The following ABCA3 variants were observed in gnomAD, a reference collection of about 807,000 sequenced individuals.
ABCA3 encodes the protein phospholipid-transporting ATPase ABCA3.
In ABCA3, 88 loss-of-function variants were observed where a neutral mutation model predicts 172.8. The ratio of observed to expected loss-of-function variants is 0.51; its 90% CI spans 0.43 to 0.61. The LOEUF is 0.61. ABCA3 is among the 20% of genes least tolerant of loss of function. The probability of loss-of-function intolerance (pLI) is 0.00; values close to 1 mark genes in which losing one functional copy is unlikely to be tolerated. For missense variants in ABCA3, 2,164 were observed against 2,301.0 expected (o/e 0.94, Z 1.22); for synonymous variants, 1,066 against 983.8 (o/e 1.08, Z -1.56).
At position 2,276,117 on chromosome 16, in the gene ABCA3, G is replaced by A. The variant is rs2093645910; in HGVS notation, c.*557C>T. 3.0e-6 allele frequency: 1 copy of A among 336,844 alleles called. No individual in the cohort carries two copies. The highest frequency in any genetic ancestry group is 2.2e-5 in the African/African-American group (1 of 45,902). The allele number at this position is 336,844 out of a possible 1,614,324, so 20.9% of individuals were successfully genotyped here. A position where few individuals can be genotyped will look rare whatever the true frequency, so the allele number is the denominator to read the frequency against. On this transcript the variant is annotated 3_prime_UTR_variant, in exon 33 of 33. Coordinates refer to ENST00000301732, the MANE Select transcript of ABCA3 (RefSeq NM_001089.3). ...CGCGGTGACTACCATGCCCTAAGGA[G>A]CAGAGCCTCCAGGATGCCCCCGGGC...
At chr16:2,324,572 C>T (rs770737316) in intron 5 of ABCA3, 41 bp from the exon 6 acceptor site, 1 of 1,603,994 alleles carries the variant, frequency 6.2e-7, no homozygotes, top group South Asian at 1.1e-5. Context: ...GCCCAATCGG[C>T]CCTCCTGCTT....
intron 5 of ABCA3, 54 bp downstream of exon 5, chr16:2,325,956 C>T (rs1408654053): frequency 5.6e-6 from 9 of 1,607,902 alleles, no homozygotes; most frequent in Non-Finnish European, 7.6e-6. Flanking sequence ...CCTGCCTGCC[C>T]AGCCGCGTGG....
chr16:2,338,703 A>G (rs952355367), intron 1 of ABCA3, among the ~76,000 whole-genome samples: 37 of 150,352 alleles, frequency 2.5e-4, no homozygotes, highest in Non-Finnish European at 2.7e-4. Flanking sequence ...GCATCTCTTT[A>G]GCTCTATCCT....
In ABCA3 at chr16:2,277,601, G is replaced by A. The variant is rs146651498; in HGVS notation, c.4979C>T (p.Ala1660Val). ...YHLPGRDLSW[A>V]KVFGILEKAK... ...GGGCCCCAGGGACTGCCTCACCTTC[G>A]CCCAGCTGAGGTCACGGCCCGGCAG... The change falls in exon 32 of 33, where the codon GCG becomes GTG. Residue 1660 changes from alanine to valine, a missense_variant. Ala to Val is a moderately conservative substitution (Grantham distance 64, BLOSUM62 0). Coordinates refer to ENST00000301732, the MANE Select transcript of ABCA3 (RefSeq NM_001089.3). This position sits in a 1 kb window ranked among gnomAD's most constrained non-coding sequence, Gnocchi z 5.3. 23 of 1,613,032 alleles carry A rather than the reference G, an allele frequency of 1.4e-5. No individual in the cohort carries two copies. In the African/African-American group the frequency reaches 2.4e-4, roughly 17 times the overall value.
chr16:2,332,246 C>G, intron 1 of ABCA3: 2 of 386,818 alleles, frequency 5.2e-6, no homozygotes, highest in Non-Finnish European at 4.8e-6. Context: ...TTTTTTTTTT[C>G]CTTGAAACTT....
intron 26 of ABCA3, among the ~76,000 whole-genome samples, chr16:2,282,593 T>C (rs2093656825): frequency 2.0e-5 from 3 of 151,894 alleles, no homozygotes; most frequent in East Asian, 1.9e-4. Flanking sequence ...CAGCCCCACA[T>C]CCCCTCCTCC....
intron 11 of ABCA3, among the ~76,000 whole-genome samples, chr16:2,306,335 T>C (rs534388677): frequency 1.3e-5 from 2 of 152,008 alleles, no homozygotes; most frequent in East Asian, 1.9e-4. Context: ...CAAAAAAAAA[T>C]TGTTAAAAAG....
chr16:2,276,932 C>T, intron 32 of ABCA3, 127 bp from the exon 33 acceptor site: 2 of 1,372,858 alleles, frequency 1.5e-6, no homozygotes, highest in Non-Finnish European at 2.0e-6. Flanking sequence ...AGCGCCACCC[C>T]AGAGCCCCAG....
At chr16:2,289,675 G>T in intron 19 of ABCA3, 55 bp from the exon 20 acceptor site, 1 of 1,534,020 alleles carries the variant, frequency 6.5e-7, no homozygotes. Flanking sequence ...GTGGGTGGAG[G>T]GAGGGACTAT....
In ABCA3 at chr16:2,284,652, G is replaced by C; in HGVS notation, c.3703+127C>G. 1 of 1,236,398 alleles carries C rather than the reference G, an allele frequency of 8.1e-7. No individual in the cohort carries two copies. Among genetic ancestry groups the C allele is most frequent in the South Asian group, 1.3e-5 (1 of 74,732 alleles). 76.6% of individuals were successfully genotyped at this position (1,236,398 alleles called of 1,614,324 possible). ...GCCGGGCAGGGCCAGCTGGGGCAGA[G>C]GGGCTGGTGAGCATGAACTGGGCCC... On this transcript the variant is annotated intron_variant, in intron 24 of 32. Transcript: ENST00000301732. The surrounding 1 kb of genome is among the most constrained non-coding windows in gnomAD (Gnocchi z 5.9).
In ABCA3 at chr16:2,308,577, G is replaced by A. The variant is rs760570912; in HGVS notation, c.1158C>T (p.Tyr386=). The A allele has an allele frequency of 9.3e-6, 15 of 1,614,236 alleles. No homozygotes were observed. In the Middle Eastern group the frequency reaches 6.6e-4, roughly 71 times the overall value. The part of the protein sequence containing the change: ...AFGGFLYFFT[Y]IPYFFVAPRY... ...GAGGGGCCACGAAGAAGTAGGGGAT[G>A]TAGGTGAAGAAGTAGAGGAAGCCTC... is the stretch of plus-strand genomic sequence containing the variant. The change falls in exon 11 of 33, where the codon TAC becomes TAT. Residue 386 remains tyrosine, a synonymous_variant. Coordinates refer to ENST00000301732, the MANE Select transcript of ABCA3 (RefSeq NM_001089.3).
intron 1 of ABCA3, among the ~76,000 whole-genome samples, chr16:2,338,826 C>T (rs1267020212): frequency 6.7e-6 from 1 of 149,244 alleles, no homozygotes; most frequent in African/African-American, 2.5e-5. Context: ...GCCATCTCAG[C>T]TCACTGTAAC....
chr16:2,298,645 G>C, intron 14 of ABCA3, 105 bp from the exon 15 acceptor site: 1 of 1,443,526 alleles, frequency 6.9e-7, no homozygotes, highest in African/African-American at 1.4e-5. Flanking sequence ...TTTCCTCTGA[G>C]GACCCTGCCC....
In ABCA3 at chr16:2,279,032, G is replaced by A. The variant is rs1272599175; in HGVS notation, c.4458C>T (p.Ile1486=). ...CGCAGGCCCCGATGTGGCGCTCAGG[G>A]ATGCCCCGGAGCCGAGCGTACATGA... ...MLVMYARLRG[I]PERHIGACVE... is the part of the protein sequence containing the mutation. Residue 1486 remains isoleucine (I), a synonymous_variant, in exon 29 of 33, where the codon ATC becomes ATT. Transcript: ENST00000301732. The surrounding 1 kb of genome is among the most constrained non-coding windows in gnomAD (Gnocchi z 4.4). 7 of 1,613,500 alleles carry A rather than the reference G, an allele frequency of 4.3e-6. No homozygotes were observed. Among genetic ancestry groups the A allele is most frequent in the South Asian group, 1.1e-5 (1 of 91,080 alleles).
In ABCA3 at chr16:2,286,605, A is replaced by G; in HGVS notation, c.3278+89T>C. ...CAGGGGCTTTGGGAGGGCAGACACA[A>G]TGCTCTATCTATGGGCCCGTGGCAG... On this transcript the variant is annotated intron_variant, in intron 22 of 32. Coordinates refer to ENST00000301732, the MANE Select transcript of ABCA3 (RefSeq NM_001089.3). This position sits in a 1 kb window ranked among gnomAD's most constrained non-coding sequence, Gnocchi z 5.2. 1 of 1,544,640 alleles carries G rather than the reference A, an allele frequency of 6.5e-7. No homozygotes were observed.
intron 32 of ABCA3, among the ~76,000 whole-genome samples, 180 bp from the exon 33 acceptor site, chr16:2,276,985 C>G (rs536721102): frequency 2.6e-5 from 4 of 152,196 alleles, no homozygotes; most frequent in African/African-American, 9.7e-5. Context: ...AGGTAGAGGA[C>G]GCTGGCTAAG....
chr16:2,305,773 GCTATGTT>G (rs2093696737), intron 11 of ABCA3, among the ~76,000 whole-genome samples: 1 of 151,586 alleles, frequency 6.6e-6, no homozygotes, highest in Non-Finnish European at 1.5e-5. Context: ...TGGGGGTCTT[GCTATGTT>G]GCCCAGGCTG....
intron 12 of ABCA3, among the ~76,000 whole-genome samples, chr16:2,301,846 A>G (rs1188612605): frequency 6.6e-6 from 1 of 152,258 alleles, no homozygotes; most frequent in Non-Finnish European, 1.5e-5. Context: ...CAAGCCCCCC[A>G]AAGTCTGGCC....
intron 10 of ABCA3, among the ~76,000 whole-genome samples, chr16:2,309,010 ATC>A (rs2093702451): frequency 6.6e-6 from 1 of 151,282 alleles, no homozygotes; most frequent in Admixed American, 6.6e-5. Flanking sequence ...CAGTGGCACG[ATC>A]TCGGCTCACT....
Sources: gnomAD v4.1 joint callset for allele counts (sites outside exome capture counted in the v4.1 genomes callset) on GRCh38, gnomAD v4.1.1 for gene constraint, Gnocchi (gnomAD v3.1) non-coding constraint, MANE v1.5 for transcripts, NCBI Gene and HGNC (gene_info 2026-07-23, HGNC 2026-07-21) for gene names.